Variants in NOL10 observed in about 807,000 individuals in gnomAD.
The protein encoded by NOL10 is H_NH0074G24.1.
Under a neutral mutation model 103.5 loss-of-function variants are expected in NOL10, and 58 were observed. The ratio of observed to expected loss-of-function variants is 0.56; its 90% confidence interval spans 0.45 to 0.70. The LOEUF (loss-of-function observed/expected upper bound fraction) is 0.70. Among genes scored for constraint, NOL10 ranks in the 30% least tolerant of loss-of-function variants. The probability of loss-of-function intolerance (pLI) is 0.00; values close to 1 mark genes in which losing one functional copy is unlikely to be tolerated. For synonymous variants in NOL10, 287 were observed against 282.5 expected, an observed-to-expected ratio of 1.02 and a Z score of -0.16; for missense variants, 763 against 807.3, an observed-to-expected ratio of 0.95 and a Z score of 0.67.
chr2:10,600,028 T>C (rs1675892358), intron 17 of NOL10, among the ~76,000 whole-genome samples: 1 of 151,744 alleles, frequency 6.6e-6, no homozygotes, highest in Non-Finnish European at 1.5e-5. Flanking sequence ...AAGAACCTCC[T>C]GAGGGCACCA....
At chr2:10,632,308 A>T (rs1219703292) in intron 13 of NOL10, among the ~76,000 whole-genome samples, 1 of 152,204 alleles carries the variant, frequency 6.6e-6, no homozygotes, top group Non-Finnish European at 1.5e-5. Context: ...CGAAGAGAAA[A>T]TATTTTAGGG....
At chr2:10,602,973 C>T (rs1303149153) in intron 15 of NOL10, 99 bp from the exon 16 acceptor site, 8 of 1,203,398 alleles carry the variant, frequency 6.6e-6, no homozygotes, top group Admixed American at 6.1e-5. Flanking sequence ...CAGGCAGATC[C>T]CCTACAAATC....
intron 14 of NOL10, among the ~76,000 whole-genome samples, chr2:10,603,589 A>G (rs183870910): frequency 2.8e-4 from 43 of 152,338 alleles, no homozygotes; most frequent in African/African-American, 1.0e-3. Flanking sequence ...AACAACGTAG[A>G]AAGAACCGTC....
chr2:10,626,330 G>C (rs896171568), intron 13 of NOL10, among the ~76,000 whole-genome samples: 1 of 152,112 alleles, frequency 6.6e-6, no homozygotes, highest in African/African-American at 2.4e-5. Context: ...CAAAGTTCCC[G>C]CCTTGTGGAG....
intron 13 of NOL10, among the ~76,000 whole-genome samples, chr2:10,636,049 A>T (rs188026002): frequency 6.6e-6 from 1 of 152,082 alleles, no homozygotes; most frequent in Non-Finnish European, 1.5e-5. Context: ...AAGCATGCTC[A>T]GCTATTTTTT....
Position 10,684,548 on chromosome 2 carries a change from G to A in NOL10, c.112+19C>T, listed in dbSNP as rs771480000. 11 of 1,561,130 alleles carry A rather than the reference G, an allele frequency of 7.0e-6. No individual in the cohort carries two copies. The highest frequency in any genetic ancestry group is 8.7e-6 in the Non-Finnish European group (10 of 1,149,666). ...CATGGATCACTAACGCAGCTGAAGT[G>A]GGAAAAAACAATACTCACCTACATC... On this transcript the variant is annotated intron_variant, in intron 2 of 20. Transcript: ENST00000381685.
intron 13 of NOL10, among the ~76,000 whole-genome samples, chr2:10,609,486 G>C (rs1213965635): frequency 6.6e-6 from 1 of 150,678 alleles, no homozygotes; most frequent in Non-Finnish European, 1.5e-5. Context: ...TGTAGTCCCA[G>C]TTACTCGGGA....
intron 3 of NOL10, among the ~76,000 whole-genome samples, chr2:10,680,468 C>A (rs1278072127): frequency 6.6e-6 from 1 of 151,992 alleles, no homozygotes; most frequent in Non-Finnish European, 1.5e-5. Flanking sequence ...AAGAAAGTGT[C>A]ATTTAACAAA....
chr2:10,674,886 G>A (rs1215433747), intron 4 of NOL10, among the ~76,000 whole-genome samples: 1 of 151,790 alleles, frequency 6.6e-6, no homozygotes, highest in Non-Finnish European at 1.5e-5. Flanking sequence ...CTGGCTGGCA[G>A]CAGAAGAAAA....
intron 17 of NOL10, chr2:10,590,785 A>G (rs1166845567): frequency 6.6e-6 from 1 of 152,218 alleles, no homozygotes. Flanking sequence ...TTACCTGTTC[A>G]CTTAAGTAGA....
intron 17 of NOL10, among the ~76,000 whole-genome samples, chr2:10,589,965 A>G (rs923480733): frequency 6.6e-6 from 1 of 152,100 alleles, no homozygotes; most frequent in Non-Finnish European, 1.5e-5. Flanking sequence ...TACTTTGCAG[A>G]TGCTCTACAC....
At chr2:10,647,227 A>C (rs912188549) in intron 12 of NOL10, among the ~76,000 whole-genome samples, 2 of 152,016 alleles carry the variant, frequency 1.3e-5, no homozygotes, top group Non-Finnish European at 2.9e-5. Flanking sequence ...ATTTGACAAA[A>C]TAGTGCCCTC....
intron 13 of NOL10, among the ~76,000 whole-genome samples, chr2:10,613,633 A>AT (rs898166197): frequency 1.3e-5 from 2 of 152,200 alleles, no homozygotes; most frequent in African/African-American, 4.8e-5. Flanking sequence ...AAGAATTGTC[A>AT]TTTTTACCTT....
intron 20 of NOL10, among the ~76,000 whole-genome samples, chr2:10,572,432 A>T (rs1674229230): frequency 6.6e-6 from 1 of 152,102 alleles, no homozygotes; most frequent in Non-Finnish European, 1.5e-5. Flanking sequence ...AGAAATTCTG[A>T]ACCCCAGGCA....
chr2:10,662,984 A>AG lies in NOL10; in HGVS notation c.651dup (p.Asn219LysfsTer21). 6.2e-7 allele frequency: 1 copy of AG among 1,613,788 alleles called. No homozygotes were observed. Among genetic ancestry groups the AG allele is most frequent in the African/African-American group, 1.3e-5 (1 of 75,058 alleles). On this transcript the variant is annotated frameshift_variant, in exon 9 of 21. Transcript: ENST00000381685. LOFTEE classifies it high-confidence loss of function. ...TCTGAATCTGCTGTGACACTGTTTA[A>AG]GGCGCAGTCTAACAGGCCAACTCTG...
At chr2:10,573,352 C>A (rs188793756) in intron 20 of NOL10, among the ~76,000 whole-genome samples, 1 of 152,162 alleles carries the variant, frequency 6.6e-6, no homozygotes, top group African/African-American at 2.4e-5. Context: ...CGCCACCACG[C>A]CCGGCTAATT....
intron 12 of NOL10, among the ~76,000 whole-genome samples, chr2:10,654,208 TG>T (rs1679672710): frequency 6.6e-6 from 1 of 152,192 alleles, no homozygotes; most frequent in South Asian, 2.1e-4. Flanking sequence ...CCTACCTGTA[TG>T]CTGTTACCAC....
chr2:10,644,019 G>T (rs1290409390), intron 13 of NOL10, among the ~76,000 whole-genome samples: 1 of 152,126 alleles, frequency 6.6e-6, no homozygotes, highest in African/African-American at 2.4e-5. Context: ...GGAGGCCCAG[G>T]CAGGAGGATC....
At chr2:10,675,414 T>C (rs1408638384) in intron 4 of NOL10, among the ~76,000 whole-genome samples, 2 of 152,006 alleles carry the variant, frequency 1.3e-5, no homozygotes, top group Non-Finnish European at 2.9e-5. Context: ...CCTGAGTGTA[T>C]TTGGAAGCAA....
Sources: allele counts gnomAD v4.1 joint callset (sites outside exome capture counted in the v4.1 genomes callset), GRCh38; gene constraint gnomAD v4.1.1; transcripts MANE v1.5; gene names NCBI Gene and HGNC (gene_info 2026-07-23, HGNC 2026-07-21).